The following ADD3 variants were observed in gnomAD, a reference collection of about 807,000 sequenced individuals.
ADD3 encodes adducin 3.
In ADD3, 25 loss-of-function variants were observed where a neutral mutation model predicts 80.2. The ratio of observed to expected loss-of-function variants is 0.31; its 90% CI spans 0.23 to 0.44. The LOEUF is 0.44. ADD3 is among the 20% of genes least tolerant of loss of function. ADD3 has a pLI of 1.00. For missense variants in ADD3, 829 were observed against 847.5 expected (o/e 0.98, Z 0.27); for synonymous variants, 284 against 289.6 (o/e 0.98, Z 0.20).
At chr10:110,063,783 A>ATATATATATATATATATATATATATAT (rs1491280257) in intron 1 of ADD3, among the ~76,000 whole-genome samples, 2 of 123,338 alleles carry the variant, frequency 1.6e-5, no homozygotes, top group African/African-American at 3.1e-5. Context: ...ATATATATAT[A>ATATATATATATATATATATATATATAT]AAGTGAACAC....
chr10:110,121,366 C>G (rs1330756717), intron 8 of ADD3, among the ~76,000 whole-genome samples: 2 of 152,084 alleles, frequency 1.3e-5, no homozygotes, highest in African/African-American at 4.8e-5. Context: ...GCCTGTAATC[C>G]CAGCTACTTG....
intron 1 of ADD3, among the ~76,000 whole-genome samples, chr10:110,013,382 C>T (rs1297629057): frequency 5.3e-5 from 8 of 152,290 alleles, no homozygotes; most frequent in South Asian, 2.1e-4. Context: ...GGGTTACAGG[C>T]GTGAGCCACT....
rs560378555 is a variant in ADD3, at chr10:110,128,699, GAGCCACCACGCCC to G, written c.1609-1658_1609-1646del. ...CCCAAAGTGCTGGGATTACAGGCGT[GAGCCACCACGCCC>G]AGCCAACTTTTTTATTTTTAATAAG... On this transcript the variant is annotated intron_variant, in intron 12 of 14. Transcript: ENST00000356080. 3.4e-4 allele frequency among the ~76,000 whole-genome samples: 52 copies of G among 152,328 alleles called. No homozygotes were observed. In the South Asian group the frequency reaches 0.011, roughly 32 times the overall value.
intron 3 of ADD3, among the ~76,000 whole-genome samples, chr10:110,115,080 T>TAA (rs752916695): frequency 1.9e-3 from 159 of 84,908 alleles, no homozygotes; most frequent in African/African-American, 5.0e-3. Context: ...CCCCTGCCTC[T>TAA]AAAAAAAAAA....
rs529151520 is a variant in ADD3 at position 110,009,739 on chromosome 10, T to G, written c.-30+1440T>G. Among the ~76,000 whole-genome samples, 26 of 152,372 alleles carry G rather than the reference T, an allele frequency of 1.7e-4. No homozygotes were observed. The East Asian group carries it at 4.0e-3, about 24-fold the overall frequency. ...CTTCATCTTTCTGAAGAGTTCAGTC[T>G]GTGATAACACTTAAGGTGCCCAGAA... On this transcript the variant is annotated intron_variant, in intron 1 of 14. Transcript: ENST00000356080.
intron 10 of ADD3, among the ~76,000 whole-genome samples, 189 bp downstream of exon 10, chr10:110,124,463 C>A (rs963405195): frequency 6.6e-5 from 10 of 152,102 alleles, no homozygotes; most frequent in Non-Finnish European, 1.0e-4. Flanking sequence ...ATTTAACTCT[C>A]CTAATATGAA....
At position 110,063,765 on chromosome 10, in the gene ADD3, AT is replaced by A. The variant is rs1166436678; in HGVS notation, c.-29-36859del. ...TATATATATATATATATATATATAT[AT>A]ATATATATATATATATAAAGTGAAC... On this transcript the variant is annotated intron_variant, in intron 1 of 14. Coordinates refer to ENST00000356080, the MANE Select transcript of ADD3 (RefSeq NM_016824.5). Among the ~76,000 whole-genome samples, 29 of 75,470 alleles carry A rather than the reference AT, an allele frequency of 3.8e-4. 1 individual carries two copies. The highest frequency in any genetic ancestry group is 1.0e-3 in the African/African-American group (29 of 28,184). 49.5% of individuals were successfully genotyped at this position (75,470 alleles called of 152,430 possible). A position where few individuals can be genotyped will look rare whatever the true frequency, so the allele number is the denominator to read the frequency against.
At chr10:110,122,327 A>G in intron 9 of ADD3, 35 bp downstream of exon 9, 4 of 1,589,224 alleles carry the variant, frequency 2.5e-6, no homozygotes, top group Non-Finnish European at 3.4e-6. Flanking sequence ...CTTGGATTTA[A>G]TGTCTTCAGA....
At chr10:110,060,166 A>G (rs917911131) in intron 1 of ADD3, among the ~76,000 whole-genome samples, 2 of 152,228 alleles carry the variant, frequency 1.3e-5, no homozygotes, top group Non-Finnish European at 2.9e-5. Context: ...CAGTCTTGTA[A>G]GCTTGACAGA....
intron 2 of ADD3, 113 bp from the exon 3 acceptor site, chr10:110,112,664 T>A (rs559912304): frequency 3.2e-6 from 4 of 1,237,488 alleles, no homozygotes; most frequent in African/African-American, 1.5e-5. Flanking sequence ...TTTTAAATAG[T>A]ACAGGTAAAA....
intron 1 of ADD3, among the ~76,000 whole-genome samples, chr10:110,029,488 A>G (rs932181565): frequency 1.3e-5 from 2 of 152,228 alleles, no homozygotes; most frequent in African/African-American, 4.8e-5. Flanking sequence ...TCCTATACGT[A>G]TCATATTTCT....
At chr10:110,082,523 C>G (rs533804392) in intron 1 of ADD3, among the ~76,000 whole-genome samples, 2 of 152,136 alleles carry the variant, frequency 1.3e-5, no homozygotes, top group African/African-American at 2.4e-5. Flanking sequence ...ATAGCTTATT[C>G]GGTTTACTTC....
chr10:110,118,768 C>T (rs371633332), intron 6 of ADD3, 32 bp downstream of exon 6: 186 of 1,600,016 alleles, frequency 1.2e-4, no homozygotes, highest in Middle Eastern at 3.3e-4. Flanking sequence ...ACTGACAGGA[C>T]GCTGGAAGAT....
At chr10:110,127,496 A>T (rs984558148) in intron 12 of ADD3, among the ~76,000 whole-genome samples, 3 of 152,232 alleles carry the variant, frequency 2.0e-5, no homozygotes, top group African/African-American at 7.2e-5. Flanking sequence ...GTGCACCTGT[A>T]GTCCCAGCTA....
At position 110,130,360 on chromosome 10, in the gene ADD3, A is replaced by G. The variant is rs954355716; in HGVS notation, c.1609-3A>G. ...GAATCGATTTTTATTTTTTCTTTGT[A>G]AGACTATGCAATTTGAAGATGATGA... On this transcript the variant is annotated splice_polypyrimidine_tract_variant and splice_region_variant and intron_variant, in intron 12 of 14. Transcript: ENST00000356080. The G allele has an allele frequency of 8.1e-6, 13 of 1,613,350 alleles. No homozygotes were observed. Among genetic ancestry groups the G allele is most frequent in the Non-Finnish European group, 1.1e-5 (13 of 1,179,748 alleles).
At position 110,028,588 on chromosome 10, in the gene ADD3, C is replaced by T. The variant is rs190261012; in HGVS notation, c.-30+20289C>T. Among the ~76,000 whole-genome samples the T allele has an allele frequency of 3.9e-3, 588 of 152,002 alleles. 3 individuals carry two copies. The highest frequency in any genetic ancestry group is 0.012 in the African/African-American group (516 of 41,474). On this transcript the variant is annotated intron_variant, in intron 1 of 14. Coordinates refer to ENST00000356080, the MANE Select transcript of ADD3 (RefSeq NM_016824.5). ...TCAAAACAAAAGAAAAAATAAATAG[C>T]CCATTTACAAAATTGACTGGGACTT... is the stretch of plus-strand genomic sequence containing the variant.
intron 1 of ADD3, among the ~76,000 whole-genome samples, chr10:110,015,753 T>C (rs890950081): frequency 6.6e-6 from 1 of 152,182 alleles, no homozygotes; most frequent in East Asian, 1.9e-4. Context: ...TTTTACTTCA[T>C]CTGTCATAGT....
chr10:110,131,660 A>G (rs1853020816), intron 13 of ADD3, among the ~76,000 whole-genome samples: 1 of 152,166 alleles, frequency 6.6e-6, no homozygotes, highest in Admixed American at 6.5e-5. Flanking sequence ...ATTATACTAA[A>G]TTTTCTAAAT....
intron 1 of ADD3, among the ~76,000 whole-genome samples, chr10:110,071,267 C>A (rs1403557686): frequency 6.6e-6 from 1 of 152,130 alleles, no homozygotes; most frequent in Non-Finnish European, 1.5e-5. Flanking sequence ...GCAAAAGTAA[C>A]ATTTTTAACA....
Sources: allele counts gnomAD v4.1 joint callset (sites outside exome capture counted in the v4.1 genomes callset), GRCh38; gene constraint gnomAD v4.1.1; transcripts MANE v1.5; gene names NCBI Gene and HGNC (gene_info 2026-07-23, HGNC 2026-07-21).